Variants in KALRN observed in about 807,000 individuals in gnomAD.
The protein encoded by KALRN is kalirin RhoGEF kinase.
In KALRN, 70 loss-of-function variants were observed where a neutral mutation model predicts 353.7. That is an observed-to-expected ratio of 0.20 (90% CI 0.16 to 0.24). The LOEUF is 0.24. Among genes scored for constraint, KALRN ranks in the 10% least tolerant of loss-of-function variants. The pLI, the probability that KALRN is intolerant of heterozygous loss-of-function variation, is 1.00. For missense variants in KALRN, 2,791 were observed against 3,756.7 expected, an observed-to-expected ratio of 0.74 and a Z score of 6.72; for synonymous variants, 1,391 against 1,434.8, an observed-to-expected ratio of 0.97 and a Z score of 0.69.
At chr3:124,583,643 G>A (rs2074836043) in intron 34 of KALRN, among the ~76,000 whole-genome samples, 1 of 152,108 alleles carries the variant, frequency 6.6e-6, no homozygotes, top group African/African-American at 2.4e-5. Flanking sequence ...GGCCTGAGAA[G>A]GGAGGAGGAC....
chr3:124,152,167 A>G (rs2068200200), intron 1 of KALRN: 1 of 1,495,952 alleles, frequency 6.7e-7, no homozygotes, highest in East Asian at 2.3e-5. Context: ...AAGAGATCGA[A>G]CAATCAAAGT....
At position 124,384,944 on chromosome 3, in the gene KALRN, C is replaced by T; in HGVS notation, c.1870C>T (p.Leu624=). The T allele has an allele frequency of 5.0e-6, 8 of 1,614,110 alleles. No individual in the cohort carries two copies. The highest frequency in any genetic ancestry group is 6.8e-6 in the Non-Finnish European group (8 of 1,179,986). The stretch of plus-strand genomic sequence containing the variant: ...GGAGATCTACAAGGCAGCTCGACAC[C>T]TGGAGGTGCGCATCCAAGACTTCGT... ...PEEIYKAARH[L]EVRIQDFVRR... is the part of the protein sequence containing the mutation. Residue 624 remains leucine, a synonymous_variant, in exon 11 of 60, where the codon CTG becomes TTG. Transcript: ENST00000682506.
At chr3:124,400,891 A>C (rs1474907861) in intron 13 of KALRN, among the ~76,000 whole-genome samples, 1 of 152,160 alleles carries the variant, frequency 6.6e-6, no homozygotes, top group African/African-American at 2.4e-5. Context: ...TCTGCTTCAA[A>C]ACATGCTTAA....
intron 51 of KALRN, chr3:124,679,892 C>T (rs1249043286): frequency 3.3e-6 from 1 of 302,706 alleles, no homozygotes; most frequent in Non-Finnish European, 6.4e-6. Context: ...GACAAGGACT[C>T]ATTTCGTGTT....
chr3:124,348,029 A>G (rs185441411), intron 10 of KALRN, among the ~76,000 whole-genome samples: 1 of 152,304 alleles, frequency 6.6e-6, no homozygotes, highest in Admixed American at 6.5e-5. Context: ...TAACTCTGTT[A>G]TATTTCTGCA....
At chr3:124,088,979 T>G (rs1281192006) in intron 1 of KALRN, among the ~76,000 whole-genome samples, 2 of 151,996 alleles carry the variant, frequency 1.3e-5, no homozygotes, top group African/African-American at 4.8e-5. Context: ...GTGAGTCAGA[T>G]ATTCTGATTT....
chr3:124,595,549 G>C (rs982766404), intron 34 of KALRN, among the ~76,000 whole-genome samples: 2 of 152,002 alleles, frequency 1.3e-5, no homozygotes, highest in African/African-American at 4.8e-5. Context: ...TCTGATTTTT[G>C]CTGTTATAAA....
At chr3:124,231,251 C>G (rs73186289) in intron 2 of KALRN, among the ~76,000 whole-genome samples, 15,083 of 152,296 alleles carry the variant, frequency 0.099, 1,136 homozygotes, top group African/African-American at 0.2. Flanking sequence ...CCATTCTGCT[C>G]TGTCATTCAC....
At chr3:124,522,132 A>G (rs1406900484) in intron 33 of KALRN, among the ~76,000 whole-genome samples, 1 of 152,106 alleles carries the variant, frequency 6.6e-6, no homozygotes, top group African/African-American at 2.4e-5. Context: ...TGATGTACTC[A>G]GTACATCATT....
At chr3:124,471,256 T>TTTATTA (rs139584790) in intron 25 of KALRN, among the ~76,000 whole-genome samples, 9,695 of 138,714 alleles carry the variant, frequency 0.07, 371 homozygotes, top group Middle Eastern at 0.13. Context: ...CCCACAAAGT[T>TTTATTA]TTATTATTAT....
chr3:124,073,677 A>G (rs1252593956), intron 1 of KALRN, among the ~76,000 whole-genome samples: 7 of 152,336 alleles, frequency 4.6e-5, no homozygotes, highest in African/African-American at 1.7e-4. Context: ...AGCTCTTTAA[A>G]ATAAGCATTA....
chr3:124,223,458 T>A (rs2078140614), intron 1 of KALRN, among the ~76,000 whole-genome samples: 1 of 152,130 alleles, frequency 6.6e-6, no homozygotes, highest in Non-Finnish European at 1.5e-5. Flanking sequence ...CAGGGAAATG[T>A]GCAGAAACAG....
chr3:124,669,576 T>A (rs369782599), intron 47 of KALRN, among the ~76,000 whole-genome samples: 4 of 152,380 alleles, frequency 2.6e-5, no homozygotes, highest in East Asian at 3.8e-4. Context: ...TTTATAACTC[T>A]GCTATGTACT....
At chr3:124,143,097 C>T (rs1434572744) in intron 1 of KALRN, among the ~76,000 whole-genome samples, 1 of 151,888 alleles carries the variant, frequency 6.6e-6, no homozygotes, top group Non-Finnish European at 1.5e-5. Flanking sequence ...ATGAATGAAT[C>T]ATTTTATTGG....
intron 33 of KALRN, 51 bp downstream of exon 33, chr3:124,496,464 C>T (rs370995408): frequency 1.3e-5 from 17 of 1,340,578 alleles, no homozygotes; most frequent in Non-Finnish European, 1.8e-5. Context: ...GATGGCTCAA[C>T]CACCCCTGGA....
chr3:124,589,046 C>A (rs1339511119), intron 34 of KALRN, among the ~76,000 whole-genome samples: 1 of 152,108 alleles, frequency 6.6e-6, no homozygotes, highest in Non-Finnish European at 1.5e-5. Context: ...GTCCTTCCTG[C>A]TTGTCTCTGA....
chr3:124,283,403 A>T (rs897941571), intron 5 of KALRN, among the ~76,000 whole-genome samples: 1 of 152,196 alleles, frequency 6.6e-6, no homozygotes, highest in African/African-American at 2.4e-5. Flanking sequence ...TGAGTGAAGT[A>T]CATTCCCTCA....
At position 124,132,881 on chromosome 3, in the gene KALRN, G is replaced by A. The variant is rs1265088887; in HGVS notation, c.74-95109G>A. 3 of 154,332 alleles carry A rather than the reference G, an allele frequency of 1.9e-5. No individual in the cohort carries two copies. The East Asian group carries it at 5.8e-4, about 30-fold the overall frequency. 9.6% of individuals were successfully genotyped at this position (154,332 alleles called of 1,614,324 possible). ...CCCTGTCTCTTTGGGAGTTGTTCTG[G>A]TTCCTCCTGCTGGGGCATTTACACT... On this transcript the variant is annotated intron_variant, in intron 1 of 59. Transcript: ENST00000682506.
chr3:124,435,503 G>A (rs1005416393), intron 17 of KALRN, among the ~76,000 whole-genome samples: 4 of 152,238 alleles, frequency 2.6e-5, no homozygotes, highest in South Asian at 2.1e-4. Context: ...TAAAACAGGA[G>A]TAATTTTACT....
Sources: allele counts gnomAD v4.1 joint callset (sites outside exome capture counted in the v4.1 genomes callset), GRCh38; gene constraint gnomAD v4.1.1; transcripts MANE v1.5; gene names NCBI Gene and HGNC (gene_info 2026-07-23, HGNC 2026-07-21).